The following NACA2 variants were observed in gnomAD, a reference collection of about 807,000 sequenced individuals.
The protein encoded by NACA2 is nascent polypeptide associated complex subunit alpha 2.
In NACA2, 9 loss-of-function variants were observed where a neutral mutation model predicts 15.6. The ratio of observed to expected loss-of-function variants is 0.58; its 90% confidence interval spans 0.35 to 1.00. The LOEUF (loss-of-function observed/expected upper bound fraction) is 1.00, where lower values mean the gene tolerates loss of function less well. Among genes scored for constraint, NACA2 ranks in the 50% least tolerant of loss-of-function variants. The pLI is 0.02. For synonymous variants in NACA2, 111 were observed against 100.5 expected, an observed-to-expected ratio of 1.10 and a Z score of -0.62; for missense variants, 258 against 257.5, an observed-to-expected ratio of 1.00 and a Z score of -0.01.
rs763026233 is a variant in NACA2 at position 61,590,853 on chromosome 17, CCA to C, written c.326_327del (p.Leu109ArgfsTer39). ...TCCGAAGCAGGGCTCTTGTAGACGTCCAGTTTTGTGATGACAAAGAGGATATT... is the reference window on the plus strand; with the variant it reads ...TCCGAAGCAGGGCTCTTGTAGACGTCGTTTTGTGATGACAAAGAGGATATT... ...SKNILFVITKLDVYKSPASDA... is the reference protein window; with the variant it reads ...SKNILFVITKXDVYKSPASDA... On this transcript the variant is annotated frameshift_variant, in exon 1 of 1. Coordinates refer to ENST00000521764, the MANE Select transcript of NACA2 (RefSeq NM_199290.4). LOFTEE classifies it high-confidence loss of function. 5.0e-6 allele frequency: 8 copies of C among 1,614,224 alleles called. No individual in the cohort carries two copies. The highest frequency in any genetic ancestry group is 5.9e-6 in the Non-Finnish European group (7 of 1,180,048).
chr17:61,590,926 A>G lies in NACA2; in HGVS notation c.255T>C (p.Leu85=), dbSNP rs746716292. The change falls in exon 1 of 1, where the codon CTT becomes CTC. Residue 85 remains leucine, a synonymous_variant. Coordinates refer to ENST00000521764, the MANE Select transcript of NACA2 (RefSeq NM_199290.4). ...RARKAMSKLG[L]LQVTGVTRVT... ...CTCTAGTAACTCCTGTAACCTGTAG[A>G]AGACCCAGTTTGGACATAGCCTTCC... 3.7e-6 allele frequency: 6 copies of G among 1,614,132 alleles called. No individual in the cohort carries two copies. In the Admixed American group the frequency reaches 1.0e-4, roughly 27 times the overall value.
In NACA2 at chr17:61,590,800, CT is replaced by C. The variant is rs762431680; in HGVS notation, c.380del (p.Lys127ArgfsTer11). The C allele has an allele frequency of 2.5e-6, 4 of 1,614,204 alleles. No individual in the cohort carries two copies. In the South Asian group the frequency reaches 4.4e-5, roughly 18 times the overall value. On this transcript the variant is annotated frameshift_variant, in exon 1 of 1. Transcript: ENST00000521764. LOFTEE classifies it high-confidence loss of function. ...GTGCTTGCTGAGATAAATCTTGGATCTTGGCTTCCCCAAAAACTATGTAGGC... is the reference window on the plus strand; with the variant it reads ...GTGCTTGCTGAGATAAATCTTGGATCTGGCTTCCCCAAAAACTATGTAGGC... ...SDAYIVFGEA[K>X]IQDLSQQAQL... is the part of the protein sequence containing the mutation.
chr17:61,590,712 T>G lies in NACA2; in HGVS notation c.469A>C (p.Thr157Pro). ...TCCTCTTGTACAGTTGGAGTCTGTG[T>G]GTTTTCTTGAATGTTTCCGACAGCT... is the stretch of plus-strand genomic sequence containing the variant. ...GEAVGNIQENTQTPTVQEESE... is the reference protein window; with the variant it reads ...GEAVGNIQENPQTPTVQEESE... The change falls in exon 1 of 1, where the codon ACA becomes CCA. Residue 157 changes from threonine to proline, a missense_variant. Thr to Pro is a conservative substitution (Grantham distance 38). Coordinates refer to ENST00000521764, the MANE Select transcript of NACA2 (RefSeq NM_199290.4). The G allele has an allele frequency of 6.2e-7, 1 of 1,614,216 alleles. No individual in the cohort carries two copies. The highest frequency in any genetic ancestry group is 1.3e-5 in the African/African-American group (1 of 75,048).
Position 61,590,875 on chromosome 17 carries a change from GA to G in NACA2, c.305del (p.Ile102ThrfsTer20). The part of the protein sequence containing the change: ...TRVTIWKSKN[I>X]LFVITKLDVY... ...CGTCCAGTTTTGTGATGACAAAGAG[GA>G]TATTCTTAGATTTCCAGATAGTGAC... On this transcript the variant is annotated frameshift_variant, in exon 1 of 1. Coordinates refer to ENST00000521764, the MANE Select transcript of NACA2 (RefSeq NM_199290.4). LOFTEE classifies it high-confidence loss of function. 6.2e-7 allele frequency: 1 copy of G among 1,614,074 alleles called. No homozygotes were observed. The highest frequency in any genetic ancestry group is 8.5e-7 in the Non-Finnish European group (1 of 1,179,938).
Position 61,590,672 on chromosome 17 carries a change from T to G in NACA2, c.509A>C (p.Glu170Ala). Residue 170 changes from glutamate (E) to alanine (A), a missense_variant, in exon 1 of 1, where the codon GAG (glutamate) becomes GCG (alanine). By Grantham distance (107) the Glu-to-Ala change is moderately radical. Coordinates refer to ENST00000521764, the MANE Select transcript of NACA2 (RefSeq NM_199290.4). ...AACTTCTACACCTGTTTCATCGACC[T>G]CTTCCTCTTCACTCTCCTCTTGTAC... The part of the protein sequence containing the change: ...PTVQEESEEE[E>A]VDETGVEVKD... The G allele has an allele frequency of 6.2e-7, 1 of 1,614,218 alleles. No individual in the cohort carries two copies. Among genetic ancestry groups the G allele is most frequent in the East Asian group, 2.2e-5 (1 of 44,888 alleles).
At position 61,591,075 on chromosome 17, in the gene NACA2, G is replaced by T; in HGVS notation, c.106C>A (p.Pro36Thr). Residue 36 changes from proline to threonine, a missense_variant, in exon 1 of 1, where the codon CCA becomes ACA. Physicochemically the swap from Pro to Thr is conservative, Grantham distance 38. Coordinates refer to ENST00000521764, the MANE Select transcript of NACA2 (RefSeq NM_199290.4). The part of the protein sequence containing the change: ...GTASDSGESV[P>T]GIEEQDSTQT... The stretch of plus-strand genomic sequence containing the variant: ...GTGGAATCCTGTTCTTCAATCCCTG[G>T]TACTGATTCACCACTATCAGATGCT... 1 of 1,614,204 alleles carries T rather than the reference G, an allele frequency of 6.2e-7. No homozygotes were observed. Among genetic ancestry groups the T allele is most frequent in the Non-Finnish European group, 8.5e-7 (1 of 1,180,042 alleles).
At position 61,590,843 on chromosome 17, in the gene NACA2, T is replaced by C. The variant is rs2060996936; in HGVS notation, c.338A>G (p.Lys113Arg). Residue 113 changes from lysine (K) to arginine (R), a missense_variant, in exon 1 of 1, where the codon AAG becomes AGG. Transcript: ENST00000521764. ...TATGTAGGCATCCGAAGCAGGGCTCTTGTAGACGTCCAGTTTTGTGATGAC... is the reference window on the plus strand; with the variant it reads ...TATGTAGGCATCCGAAGCAGGGCTCCTGTAGACGTCCAGTTTTGTGATGAC... ...LFVITKLDVY[K>R]SPASDAYIVF... is the part of the protein sequence containing the mutation. 6.2e-7 allele frequency: 1 copy of C among 1,614,132 alleles called. No individual in the cohort carries two copies. The highest frequency in any genetic ancestry group is 8.5e-7 in the Non-Finnish European group (1 of 1,180,048).
rs372064190 is a variant in NACA2 at position 61,590,568 on chromosome 17, C to A, written c.613G>T (p.Asp205Tyr). ...AATTCCATAATCGCATTTACAATATCATTACTGTTGTTCTTCAGAGCTCGG... is the reference window on the plus strand; with the variant it reads ...AATTCCATAATCGCATTTACAATATAATTACTGTTGTTCTTCAGAGCTCGG... ...AVRALKNNSN[D>Y]IVNAIMELTV is the part of the protein sequence containing the mutation. The change falls in exon 1 of 1, where the codon GAT (aspartate) becomes TAT (tyrosine). Residue 205 changes from aspartate to tyrosine, a missense_variant. By Grantham distance (160) the Asp-to-Tyr change is radical. Transcript: ENST00000521764. 25 of 1,614,070 alleles carry A rather than the reference C, an allele frequency of 1.5e-5. No homozygotes were observed. In the African/African-American group the frequency reaches 3.3e-4, roughly 22 times the overall value.
Position 61,590,495 on chromosome 17 carries a change from A to T in NACA2, c.*38T>A, listed in dbSNP as rs1385083786. On this transcript the variant is annotated 3_prime_UTR_variant, in exon 1 of 1. Coordinates refer to ENST00000521764, the MANE Select transcript of NACA2 (RefSeq NM_199290.4). ...ACAAATTTCAAACCAAGCTGCAGTT[A>T]CTCCTTTGAGACACCAAAAAAAGTT... is the stretch of plus-strand genomic sequence containing the variant. 1 of 1,595,828 alleles carries T rather than the reference A, an allele frequency of 6.3e-7. No homozygotes were observed. Among genetic ancestry groups the T allele is most frequent in the Non-Finnish European group, 8.6e-7 (1 of 1,163,536 alleles).
At position 61,590,695 on chromosome 17, in the gene NACA2, T is replaced by C; in HGVS notation, c.486A>G (p.Val162=). The change falls in exon 1 of 1, where the codon GTA becomes GTG. Residue 162 remains valine, a synonymous_variant. Transcript: ENST00000521764. ...CCTCTTCCTCTTCACTCTCCTCTTG[T>C]ACAGTTGGAGTCTGTGTGTTTTCTT... is the stretch of plus-strand genomic sequence containing the variant. ...NIQENTQTPT[V]QEESEEEEVD... 2 of 1,614,228 alleles carry C rather than the reference T, an allele frequency of 1.2e-6. No individual in the cohort carries two copies. The highest frequency in any genetic ancestry group is 1.7e-6 in the Non-Finnish European group (2 of 1,180,040).
Position 61,590,446 on chromosome 17 carries a change from A to G in NACA2, c.*87T>C. Reference sequence around the variant, plus strand: ...TTTTCTTTTTCCAGCAAGAAGTCATAACTTTATTTATGATAGAAACAGTAC... The same window carrying G: ...TTTTCTTTTTCCAGCAAGAAGTCATGACTTTATTTATGATAGAAACAGTAC... On this transcript the variant is annotated 3_prime_UTR_variant, in exon 1 of 1. Coordinates refer to ENST00000521764, the MANE Select transcript of NACA2 (RefSeq NM_199290.4). 1.5e-6 allele frequency: 2 copies of G among 1,340,376 alleles called. No homozygotes were observed. Among genetic ancestry groups the G allele is most frequent in the Non-Finnish European group, 2.1e-6 (2 of 944,356 alleles). The allele number at this position is 1,340,376 out of a possible 1,614,324, so 83.0% of individuals were successfully genotyped here.
chr17:61,590,845 G>A lies in NACA2; in HGVS notation c.336C>T (p.Tyr112=). The stretch of plus-strand genomic sequence containing the variant: ...TGTAGGCATCCGAAGCAGGGCTCTT[G>A]TAGACGTCCAGTTTTGTGATGACAA... ...ILFVITKLDV[Y]KSPASDAYIV... Residue 112 remains tyrosine, a synonymous_variant, in exon 1 of 1, where the codon TAC becomes TAT. Transcript: ENST00000521764. 1 of 1,614,226 alleles carries A rather than the reference G, an allele frequency of 6.2e-7. No homozygotes were observed. Among genetic ancestry groups the A allele is most frequent in the Non-Finnish European group, 8.5e-7 (1 of 1,180,054 alleles).
chr17:61,590,805 C>T lies in NACA2; in HGVS notation c.376G>A (p.Ala126Thr). 6.2e-7 allele frequency: 1 copy of T among 1,614,200 alleles called. No homozygotes were observed. Among genetic ancestry groups the T allele is most frequent in the Non-Finnish European group, 8.5e-7 (1 of 1,180,048 alleles). The change falls in exon 1 of 1, where the codon GCC becomes ACC. Residue 126 changes from alanine (A) to threonine (T), a missense_variant. Transcript: ENST00000521764. ...ASDAYIVFGEAKIQDLSQQAQ... is the reference protein window; with the variant it reads ...ASDAYIVFGETKIQDLSQQAQ... The stretch of plus-strand genomic sequence containing the variant: ...TGCTGAGATAAATCTTGGATCTTGG[C>T]TTCCCCAAAAACTATGTAGGCATCC...
Position 61,590,906 on chromosome 17 carries a change from G to T in NACA2, c.275C>A (p.Thr92Asn), listed in dbSNP as rs1170450700. The change falls in exon 1 of 1, where the codon ACT becomes AAT. Residue 92 changes from threonine to asparagine, a missense_variant. Physicochemically the swap from Thr to Asn is moderately conservative, Grantham distance 65 (BLOSUM62 0). Transcript: ENST00000521764. ...KLGLLQVTGV[T>N]RVTIWKSKNI... ...CTTAGATTTCCAGATAGTGACTCTA[G>T]TAACTCCTGTAACCTGTAGAAGACC... 1 of 1,614,226 alleles carries T rather than the reference G, an allele frequency of 6.2e-7. No individual in the cohort carries two copies. Among genetic ancestry groups the T allele is most frequent in the Non-Finnish European group, 8.5e-7 (1 of 1,180,044 alleles).
rs769250946 is a variant in NACA2 at position 61,590,707 on chromosome 17, CT to C, written c.473del (p.Gln158ArgfsTer19). The C allele has an allele frequency of 1.2e-6, 2 of 1,614,068 alleles. No individual in the cohort carries two copies. Among genetic ancestry groups the C allele is most frequent in the Non-Finnish European group, 1.7e-6 (2 of 1,180,042 alleles). On this transcript the variant is annotated frameshift_variant, in exon 1 of 1. Coordinates refer to ENST00000521764, the MANE Select transcript of NACA2 (RefSeq NM_199290.4). LOFTEE classifies it high-confidence loss of function. ...CACTCTCCTCTTGTACAGTTGGAGT[CT>C]GTGTGTTTTCTTGAATGTTTCCGAC... The part of the protein sequence containing the change: ...EAVGNIQENT[Q>X]TPTVQEESEE...
rs752966796 is a variant in NACA2 at position 61,591,086 on chromosome 17, C to T, written c.95G>A (p.Gly32Asp). The change falls in exon 1 of 1, where the codon GGT becomes GAT. Residue 32 changes from glycine (G) to aspartate (D), a missense_variant. Transcript: ENST00000521764. ...ETGSGTASDS[G>D]ESVPGIEEQD... ...TTCTTCAATCCCTGGTACTGATTCA[C>T]CACTATCAGATGCTGTTCCAGACCC... is the stretch of plus-strand genomic sequence containing the variant. 4 of 1,614,250 alleles carry T rather than the reference C, an allele frequency of 2.5e-6. No homozygotes were observed. The highest frequency in any genetic ancestry group is 1.1e-5 in the South Asian group (1 of 91,088).
In NACA2 at chr17:61,590,656, A is replaced by C; in HGVS notation, c.525T>G (p.Gly175=). 1 of 1,614,100 alleles carries C rather than the reference A, an allele frequency of 6.2e-7. No individual in the cohort carries two copies. The highest frequency in any genetic ancestry group is 2.2e-5 in the East Asian group (1 of 44,880). Residue 175 remains glycine (G), a synonymous_variant, in exon 1 of 1, where the codon GGT becomes GGG. Coordinates refer to ENST00000521764, the MANE Select transcript of NACA2 (RefSeq NM_199290.4). ...CCAATTTCACGTCTTTAACTTCTAC[A>C]CCTGTTTCATCGACCTCTTCCTCTT... The part of the protein sequence containing the change: ...ESEEEEVDET[G]VEVKDVKLVM...
chr17:61,590,998 TTCA>T lies in NACA2; in HGVS notation c.180_182del (p.Asp60del), dbSNP rs1160702595. The T allele has an allele frequency of 6.2e-7, 1 of 1,614,278 alleles. No individual in the cohort carries two copies. The highest frequency in any genetic ancestry group is 8.5e-7 in the Non-Finnish European group (1 of 1,180,056). Reference sequence around the variant, plus strand: ...TCTGTTTTGCTTTACCGACTGGTTCTTCATCAATTTCAGCTGCTGCCACCAGCC... The same window carrying T: ...TCTGTTTTGCTTTACCGACTGGTTCTTCAATTTCAGCTGCTGCCACCAGCC... On this transcript the variant is annotated inframe_deletion, in exon 1 of 1. Coordinates refer to ENST00000521764, the MANE Select transcript of NACA2 (RefSeq NM_199290.4).
In NACA2 at chr17:61,591,157, G is replaced by C. The variant is rs773090060; in HGVS notation, c.24C>G (p.Thr8=). The change falls in exon 1 of 1, where the codon ACC becomes ACG. Residue 8 remains threonine (T), a synonymous_variant. Coordinates refer to ENST00000521764, the MANE Select transcript of NACA2 (RefSeq NM_199290.4). MPGEATE[T]VPATEQELPQ... Reference sequence around the variant, plus strand: ...GCAACTCCTGCTCTGTAGCAGGGACGGTTTCTGTGGCTTCGCCCGGCATTT... The same window carrying C: ...GCAACTCCTGCTCTGTAGCAGGGACCGTTTCTGTGGCTTCGCCCGGCATTT... 1.2e-6 allele frequency: 2 copies of C among 1,614,258 alleles called. No individual in the cohort carries two copies. Among genetic ancestry groups the C allele is most frequent in the African/African-American group, 1.3e-5 (1 of 75,070 alleles).
Sources: gnomAD v4.1 joint callset for allele counts on GRCh38, gnomAD v4.1.1 for gene constraint, MANE v1.5 for transcripts, NCBI Gene and HGNC (gene_info 2026-07-23, HGNC 2026-07-21) for gene names.